DHX57: variants seen among roughly 807,000 people sequenced by gnomAD.
DHX57 encodes DExH-box helicase 57.
DHX57 carries 105 observed loss-of-function variants against 156.2 expected under a neutral mutation model. The observed-to-expected ratio is 0.67, with a 90% CI of 0.57 to 0.79. The LOEUF (loss-of-function observed/expected upper bound fraction) is 0.79. Ranked by LOEUF, DHX57 falls within the 30% of genes least tolerant of loss-of-function variation. DHX57 has a pLI of 0.00. For synonymous variants in DHX57, 704 were observed against 595.6 expected (o/e 1.18, Z -2.65); for missense variants, 1,847 against 1,661.9 (o/e 1.11, Z -1.94).
rs757382878 is a variant in DHX57, at chr2:38,823,107, C to A, written c.3177G>T (p.Leu1059Phe). ...DERLTPLGYH[L>F]ASLPVDVRIG... ...TTCTCACATCCACGGGCAGAGAGGCCAAATGATACCCAAGAGGGGTCAATC... is the reference window on the plus strand; with the variant it reads ...TTCTCACATCCACGGGCAGAGAGGCAAAATGATACCCAAGAGGGGTCAATC... Residue 1059 changes from leucine (L) to phenylalanine (F), a missense_variant, in exon 17 of 24, where the codon TTG (leucine) becomes TTT (phenylalanine). By Grantham distance (22) the Leu-to-Phe change is conservative. Coordinates refer to ENST00000457308, the MANE Select transcript of DHX57 (RefSeq NM_198963.3). The A allele has an allele frequency of 6.2e-7, 1 of 1,614,114 alleles. No individual in the cohort carries two copies. The highest frequency in any genetic ancestry group is 1.1e-5 in the South Asian group (1 of 91,082).
At chr2:38,830,630 A>AT (rs1671331664) in intron 13 of DHX57, among the ~76,000 whole-genome samples, 1 of 151,276 alleles carries the variant, frequency 6.6e-6, no homozygotes, top group African/African-American at 2.4e-5. Context: ...CTCCGTCTCA[A>AT]TAAAAAAAAA....
At chr2:38,873,201 G>T (rs1665435543) in intron 1 of DHX57, among the ~76,000 whole-genome samples, 1 of 152,162 alleles carries the variant, frequency 6.6e-6, no homozygotes, top group South Asian at 2.1e-4. Flanking sequence ...ATGTTGGTCA[G>T]GCTGGTCTCG....
Position 38,826,562 on chromosome 2 carries a change from C to T in DHX57, c.2767G>A (p.Asp923Asn), listed in dbSNP as rs748042609. Residue 923 changes from aspartate to asparagine, a missense_variant, in exon 15 of 24, where the codon GAT becomes AAT. Transcript: ENST00000457308. ...GAATCGATAACATAGACAACATCAT[C>T]GATGGTTATGGATGTCTCAGCAATG... ...TNIAETSITI[D>N]DVVYVIDSGK... is the part of the protein sequence containing the mutation. 3.1e-6 allele frequency: 5 copies of T among 1,613,916 alleles called. No individual in the cohort carries two copies. In the African/African-American group the frequency reaches 4.0e-5, roughly 13 times the overall value.
intron 23 of DHX57, among the ~76,000 whole-genome samples, chr2:38,801,890 C>A (rs888201247): frequency 1.3e-5 from 2 of 152,144 alleles, no homozygotes; most frequent in African/African-American, 4.8e-5. Context: ...AGCCACCGCA[C>A]CTGGGTGAAG....
In DHX57 at chr2:38,826,506, G is replaced by A. The variant is rs1671092504; in HGVS notation, c.2813+10C>T. On this transcript the variant is annotated intron_variant, in intron 15 of 23. Coordinates refer to ENST00000457308, the MANE Select transcript of DHX57 (RefSeq NM_198963.3). Reference sequence around the variant, plus strand: ...TAGCCCCTCTCTTACATCACCACAAGACGGAATACCTCTTTTCTTTCATTT... The same window carrying A: ...TAGCCCCTCTCTTACATCACCACAAAACGGAATACCTCTTTTCTTTCATTT... The A allele has an allele frequency of 6.2e-7, 1 of 1,612,394 alleles. No homozygotes were observed. Among genetic ancestry groups the A allele is most frequent in the Non-Finnish European group, 8.5e-7 (1 of 1,178,774 alleles).
chr2:38,837,376 C>T (rs929049637), intron 13 of DHX57, among the ~76,000 whole-genome samples: 14 of 151,818 alleles, frequency 9.2e-5, no homozygotes, highest in Non-Finnish European at 1.9e-4. Flanking sequence ...TTTGGGAGGC[C>T]GAGGCAGGCG....
chr2:38,806,959 T>C (rs1001044537), intron 21 of DHX57, among the ~76,000 whole-genome samples: 1 of 151,660 alleles, frequency 6.6e-6, no homozygotes, highest in African/African-American at 2.4e-5. Flanking sequence ...GAAAACTATA[T>C]TGATATTTTG....
chr2:38,826,706 G>C lies in DHX57; in HGVS notation c.2640-17C>G. 6.2e-7 allele frequency: 1 copy of C among 1,612,296 alleles called. No homozygotes were observed. The highest frequency in any genetic ancestry group is 8.5e-7 in the Non-Finnish European group (1 of 1,178,832). On this transcript the variant is annotated splice_polypyrimidine_tract_variant and intron_variant, in intron 14 of 23. Transcript: ENST00000457308. Reference sequence around the variant, plus strand: ...ATAACACATCTGGAAGGAAATAAAAGCACATGAAGTATTCTAGCACCTAGC... The same window carrying C: ...ATAACACATCTGGAAGGAAATAAAACCACATGAAGTATTCTAGCACCTAGC...
In DHX57 at chr2:38,848,488, T is replaced by C. The variant is rs988378644; in HGVS notation, c.2031-86A>G. On this transcript the variant is annotated intron_variant, in intron 9 of 23. Transcript: ENST00000457308. ...CTTTTACTATATTTTGAGCAAGAAA[T>C]GTGTAAGATCTCTGTGAAAAAAAAA... The C allele has an allele frequency of 2.6e-5, 36 of 1,379,518 alleles. 2 individuals are homozygous for C. In the South Asian group the frequency reaches 4.7e-4, roughly 18 times the overall value. 85.5% of individuals were successfully genotyped at this position (1,379,518 alleles called of 1,614,324 possible).
intron 22 of DHX57, chr2:38,806,314 A>G (rs780878622): frequency 1.2e-5 from 5 of 428,958 alleles, no homozygotes; most frequent in African/African-American, 2.0e-5. Context: ...CATTGCAAAG[A>G]AACAATTTTA....
chr2:38,838,918 G>C, intron 12 of DHX57: 1 of 269,712 alleles, frequency 3.7e-6, no homozygotes, highest in Non-Finnish European at 7.4e-6. Flanking sequence ...ACAAGCCTCG[G>C]CTCTTTTATT....
At chr2:38,801,895 G>A (rs1669702759) in intron 23 of DHX57, among the ~76,000 whole-genome samples, 1 of 151,914 alleles carries the variant, frequency 6.6e-6, no homozygotes, top group African/African-American at 2.4e-5. Context: ...CCGCACCTGG[G>A]TGAAGTTCTG....
At chr2:38,843,349 A>T (rs1672110594) in intron 11 of DHX57, 139 bp from the exon 12 acceptor site, 3 of 836,354 alleles carry the variant, frequency 3.6e-6, no homozygotes, top group Admixed American at 4.5e-5. Flanking sequence ...CCAGTCCAGG[A>T]TTCTGGCTGT....
chr2:38,807,579 G>C (rs1038401339), intron 21 of DHX57, among the ~76,000 whole-genome samples: 6 of 151,988 alleles, frequency 3.9e-5, no homozygotes, highest in South Asian at 2.1e-4. Flanking sequence ...GGATGGTCTC[G>C]ATCTCCTGAC....
At chr2:38,816,508 G>A (rs1340211284) in intron 19 of DHX57, among the ~76,000 whole-genome samples, 3 of 152,284 alleles carry the variant, frequency 2.0e-5, no homozygotes, top group East Asian at 1.9e-4. Flanking sequence ...GAGCCACCAC[G>A]CCCGGCCATG....
chr2:38,864,822 T>C (rs1034869817), intron 2 of DHX57, among the ~76,000 whole-genome samples: 10 of 152,194 alleles, frequency 6.6e-5, no homozygotes, highest in African/African-American at 2.4e-4. Flanking sequence ...TTTTCTTTCC[T>C]CTTCTCTCTG....
chr2:38,801,754 C>G (rs1440284147), intron 23 of DHX57, among the ~76,000 whole-genome samples: 1 of 152,100 alleles, frequency 6.6e-6, no homozygotes, highest in East Asian at 1.9e-4. Flanking sequence ...ACTACCACAC[C>G]TGGTTAATTT....
Position 38,848,445 on chromosome 2 carries a change from A to T in DHX57, c.2031-43T>A, listed in dbSNP as rs752735131. Reference sequence around the variant, plus strand: ...AACACCTGAGGATCAAACAAATTCAACACATGAAAATTAGTAACTTTTACT... The same window carrying T: ...AACACCTGAGGATCAAACAAATTCATCACATGAAAATTAGTAACTTTTACT... On this transcript the variant is annotated intron_variant, in intron 9 of 23. Transcript: ENST00000457308. The T allele has an allele frequency of 1.0e-5, 16 of 1,545,478 alleles. No individual in the cohort carries two copies. In the South Asian group the frequency reaches 1.5e-4, roughly 15 times the overall value.
At chr2:38,818,175 A>T (rs1194162403) in intron 19 of DHX57, among the ~76,000 whole-genome samples, 1 of 152,170 alleles carries the variant, frequency 6.6e-6, no homozygotes, top group Non-Finnish European at 1.5e-5. Context: ...AATAATGCAC[A>T]TATGTATAAG....
Sources: gnomAD v4.1 joint callset for allele counts (sites outside exome capture counted in the v4.1 genomes callset) on GRCh38, gnomAD v4.1.1 for gene constraint, MANE v1.5 for transcripts, NCBI Gene and HGNC (gene_info 2026-07-23, HGNC 2026-07-21) for gene names.